Variants in APBB2 observed in about 807,000 individuals in gnomAD.
The protein encoded by APBB2 is Fe65-like 1.
A neutral mutation model predicts 82.5 loss-of-function variants in APBB2; 38 were observed. That is an observed-to-expected ratio of 0.46 (90% CI 0.36 to 0.60). The LOEUF is 0.60. APBB2 is among the 20% of genes least tolerant of loss of function. The probability of loss-of-function intolerance (pLI) is 0.00; values close to 1 mark genes in which losing one functional copy is unlikely to be tolerated. For synonymous variants in APBB2, 341 were observed against 368.2 expected (o/e 0.93, Z 0.85); for missense variants, 772 against 972.3 (o/e 0.79, Z 2.74).
At chr4:41,129,276 C>A (rs1448008819) in intron 2 of APBB2, among the ~76,000 whole-genome samples, 3 of 152,100 alleles carry the variant, frequency 2.0e-5, no homozygotes, top group Non-Finnish European at 2.9e-5. Context: ...ATTCAAGTCC[C>A]CTCTCAACTG....
intron 1 of APBB2, among the ~76,000 whole-genome samples, chr4:41,212,595 G>C (rs2154083638): frequency 6.6e-6 from 1 of 152,336 alleles, no homozygotes; most frequent in African/African-American, 2.4e-5. Flanking sequence ...ACCTTCTGTG[G>C]AAAGGATCTC....
In APBB2 at chr4:40,812,558, G is replaced by A. The variant is rs1744622639; in HGVS notation, c.*3534C>T. The A allele has an allele frequency of 1.3e-5, 2 of 152,224 alleles. No individual in the cohort carries two copies. The highest frequency in any genetic ancestry group is 4.8e-5 in the African/African-American group (2 of 41,460). 9.4% of individuals were successfully genotyped at this position (152,224 alleles called of 1,614,324 possible). A position where few individuals can be genotyped will look rare whatever the true frequency, so the allele number is the denominator to read the frequency against. ...TAAGCCTGGCCAACTAGAGAGCGAA[G>A]GGGCTTATTAGTTAAATTGTGCTAA... On this transcript the variant is annotated 3_prime_UTR_variant, in exon 18 of 18. Transcript: ENST00000508593.
At chr4:40,820,162 TGCA>T (rs1747335340) in intron 17 of APBB2, among the ~76,000 whole-genome samples, 1 of 152,224 alleles carries the variant, frequency 6.6e-6, no homozygotes, top group South Asian at 2.1e-4. Context: ...GGGCTTCACA[TGCA>T]GCAGTTCTCC....
At chr4:40,903,950 T>C (rs1560847471) in intron 10 of APBB2, among the ~76,000 whole-genome samples, 1 of 152,226 alleles carries the variant, frequency 6.6e-6, no homozygotes, top group South Asian at 2.1e-4. Context: ...TTATTTCACA[T>C]TGGTGGCCAG....
intron 10 of APBB2, among the ~76,000 whole-genome samples, chr4:40,925,148 C>T (rs1782297995): frequency 6.6e-6 from 1 of 152,208 alleles, no homozygotes; most frequent in African/African-American, 2.4e-5. Context: ...AGTAGCTCAG[C>T]TCCTGGTACA....
At chr4:41,072,932 A>G (rs1256784107) in intron 3 of APBB2, among the ~76,000 whole-genome samples, 3 of 152,244 alleles carry the variant, frequency 2.0e-5, no homozygotes, top group African/African-American at 7.2e-5. Context: ...TGGGCTAAGG[A>G]TATCTGCCTT....
rs1468179322 is a variant in APBB2, at chr4:40,815,930, G to C, written c.*162C>G. ...CTTCTTTTCATATCACATGATGGTG[G>C]CAAGACGAGAGAACATGCTTGTCTA... On this transcript the variant is annotated 3_prime_UTR_variant, in exon 18 of 18. Transcript: ENST00000508593. 4 of 765,142 alleles carry C rather than the reference G, an allele frequency of 5.2e-6. No homozygotes were observed. The highest frequency in any genetic ancestry group is 1.7e-5 in the African/African-American group (1 of 57,880). 47.4% of individuals were successfully genotyped at this position (765,142 alleles called of 1,614,324 possible). A position where few individuals can be genotyped will look rare whatever the true frequency, so the allele number is the denominator to read the frequency against.
chr4:41,063,429 A>G (rs538537914), intron 4 of APBB2, among the ~76,000 whole-genome samples: 1 of 152,358 alleles, frequency 6.6e-6, no homozygotes, highest in African/African-American at 2.4e-5. Flanking sequence ...TTTTCTGATG[A>G]TGCTCACTAT....
At chr4:40,997,012 C>T (rs1803811393) in intron 6 of APBB2, among the ~76,000 whole-genome samples, 1 of 152,162 alleles carries the variant, frequency 6.6e-6, no homozygotes, top group Non-Finnish European at 1.5e-5. Context: ...GGAGCTGAAA[C>T]TTACATGACC....
In APBB2 at chr4:41,133,379, C is replaced by T. The variant is rs568427424; in HGVS notation, c.-261+9608G>A. 2.6e-5 allele frequency among the ~76,000 whole-genome samples: 4 copies of T among 152,106 alleles called. No homozygotes were observed. The East Asian group carries it at 5.8e-4, about 22-fold the overall frequency. ...CTCAAACAGAAGTCCCTTTTTTGCACGTGCTGGAAGTATCACAACTGACCT... is the reference window on the plus strand; with the variant it reads ...CTCAAACAGAAGTCCCTTTTTTGCATGTGCTGGAAGTATCACAACTGACCT... On this transcript the variant is annotated intron_variant, in intron 2 of 17. Transcript: ENST00000508593.
Position 40,826,851 on chromosome 4 carries a change from T to G in APBB2, c.1732+281A>C. 1 of 326,806 alleles carries G rather than the reference T, an allele frequency of 3.1e-6. No homozygotes were observed. The highest frequency in any genetic ancestry group is 4.3e-5 in the South Asian group (1 of 23,244). 20.2% of individuals were successfully genotyped at this position (326,806 alleles called of 1,614,324 possible). A position where few individuals can be genotyped will look rare whatever the true frequency, so the allele number is the denominator to read the frequency against. Reference sequence around the variant, plus strand: ...ATGAAGACAGTATTCTTAAAGAACATAAAATACAAAACAAAATGAAAACGA... The same window carrying G: ...ATGAAGACAGTATTCTTAAAGAACAGAAAATACAAAACAAAATGAAAACGA... On this transcript the variant is annotated intron_variant, in intron 14 of 17. Transcript: ENST00000508593. This position sits in a 1 kb window ranked among gnomAD's most constrained non-coding sequence, Gnocchi z 4.5.
intron 1 of APBB2, among the ~76,000 whole-genome samples, chr4:41,210,518 A>G (rs1209264522): frequency 1.3e-5 from 2 of 152,232 alleles, no homozygotes; most frequent in Non-Finnish European, 2.9e-5. Flanking sequence ...GCTGAGAGAA[A>G]TGCCGTCAAC....
At chr4:40,932,263 A>G (rs1323564253) in intron 10 of APBB2, among the ~76,000 whole-genome samples, 5 of 152,250 alleles carry the variant, frequency 3.3e-5, no homozygotes, top group Non-Finnish European at 5.9e-5. Flanking sequence ...TCAAGTAGCA[A>G]AGCAAATTGT....
At chr4:40,996,997 A>T (rs1288493043) in intron 6 of APBB2, among the ~76,000 whole-genome samples, 2 of 152,130 alleles carry the variant, frequency 1.3e-5, no homozygotes, top group Non-Finnish European at 2.9e-5. Context: ...CCCAGATAGC[A>T]TGAAGGAGCT....
chr4:40,823,512 CA>C, intron 16 of APBB2, 131 bp downstream of exon 16: 1 of 651,226 alleles, frequency 1.5e-6, no homozygotes, highest in East Asian at 2.7e-5. Flanking sequence ...CCAAATCTTT[CA>C]AATGTAGGCC....
intron 6 of APBB2, among the ~76,000 whole-genome samples, chr4:40,999,023 G>A (rs1032282519): frequency 5.3e-5 from 8 of 151,914 alleles, no homozygotes; most frequent in African/African-American, 1.7e-4. Context: ...TTCCAACCTC[G>A]GTGTATTGCA....
At chr4:40,967,290 T>G (rs951605415) in intron 6 of APBB2, among the ~76,000 whole-genome samples, 34 of 152,136 alleles carry the variant, frequency 2.2e-4, no homozygotes, top group Non-Finnish European at 4.6e-4. Flanking sequence ...GGACAAGAAC[T>G]CGGGACCTGC....
Position 41,013,791 on chromosome 4 carries a change from C to T in APBB2, c.627G>A (p.Gln209=), listed in dbSNP as rs186729446. 5.7e-4 allele frequency: 920 copies of T among 1,614,226 alleles called. 1 individual carries two copies. Among genetic ancestry groups the T allele is most frequent in the Middle Eastern group, 3.6e-3 (22 of 6,062 alleles). The change falls in exon 6 of 18, where the codon CAG becomes CAA. Residue 209 remains glutamine, a synonymous_variant. Transcript: ENST00000508593. ...TIIGNGDLLL[Q]KPNRPQSSPE... ...GGCTGGACTGGGGTCTGTTTGGTTTCTGCAGCAGCAAATCGCCATTCCCAA... is the reference window on the plus strand; with the variant it reads ...GGCTGGACTGGGGTCTGTTTGGTTTTTGCAGCAGCAAATCGCCATTCCCAA...
intron 6 of APBB2, among the ~76,000 whole-genome samples, chr4:40,992,882 G>T (rs950306889): frequency 6.6e-5 from 10 of 152,162 alleles, no homozygotes; most frequent in African/African-American, 2.2e-4. Context: ...GGATCTCTAC[G>T]TTGTGAAACA....
Sources: allele counts gnomAD v4.1 joint callset (sites outside exome capture counted in the v4.1 genomes callset), GRCh38; gene constraint gnomAD v4.1.1; non-coding constraint Gnocchi (gnomAD v3.1); transcripts MANE v1.5; gene names NCBI Gene and HGNC (gene_info 2026-07-23, HGNC 2026-07-21).